ADGRL1: variants seen among roughly 807,000 people sequenced by gnomAD.
ADGRL1 encodes adhesion G protein-coupled receptor L1, also known as CIRL-1.
Under a neutral mutation model 148.9 loss-of-function variants are expected in ADGRL1, and 31 were observed. That is an observed-to-expected ratio of 0.21 (90% CI 0.16 to 0.28). The LOEUF (loss-of-function observed/expected upper bound fraction) is 0.28, where lower values mean the gene tolerates loss of function less well. ADGRL1 is among the 10% of genes least tolerant of loss of function. The pLI, the probability that ADGRL1 is intolerant of heterozygous loss-of-function variation, is 1.00. For missense variants in ADGRL1, 1,521 were observed against 2,058.8 expected, an observed-to-expected ratio of 0.74 and a Z score of 5.05; for synonymous variants, 937 against 900.3, an observed-to-expected ratio of 1.04 and a Z score of -0.73.
chr19:14,154,703 T>G (rs1470935772), intron 18 of ADGRL1, among the ~76,000 whole-genome samples: 1 of 151,500 alleles, frequency 6.6e-6, no homozygotes, highest in Non-Finnish European at 1.5e-5. Context: ...GCCTTTGGGG[T>G]TCAAGCAATT....
At chr19:14,183,976 G>C (rs1419952022) in intron 1 of ADGRL1, among the ~76,000 whole-genome samples, 1 of 152,146 alleles carries the variant, frequency 6.6e-6, no homozygotes, top group African/African-American at 2.4e-5. Flanking sequence ...TCCCAGGCAG[G>C]CCTTGGACCC....
rs767854930 is a variant in ADGRL1, at chr19:14,157,342, G to T, written c.2654C>A (p.Thr885Asn). 3 of 1,614,186 alleles carry T rather than the reference G, an allele frequency of 1.9e-6. No individual in the cohort carries two copies. Among genetic ancestry groups the T allele is most frequent in the Non-Finnish European group, 2.5e-6 (3 of 1,180,010 alleles). ...GTTCTTGTGGATGGTGTTGCGGTCG[G>T]TCTGCAGCCCCCGCAGGAAGCAGAA... ...STFCFLRGLQ[T>N]DRNTIHKNLC... The change falls in exon 14 of 23, where the codon ACC (threonine) becomes AAC (asparagine). Residue 885 changes from threonine (T) to asparagine (N), a missense_variant. Thr to Asn is a moderately conservative substitution (Grantham distance 65). Around this residue, in one of 8 missense-constraint regions of ADGRL1, gnomAD observed 265 missense variants for 431.9 expected, o/e 0.61. Coordinates refer to ENST00000361434, the MANE Select transcript of ADGRL1 (RefSeq NM_014921.5). This position sits in a 1 kb window ranked among gnomAD's most constrained non-coding sequence, Gnocchi z 7.5.
chr19:14,193,139 G>T (rs986698719), intron 1 of ADGRL1, among the ~76,000 whole-genome samples: 1 of 151,960 alleles, frequency 6.6e-6, no homozygotes, highest in Non-Finnish European at 1.5e-5. Context: ...GGCTCCCCTA[G>T]GAAGCTCCAG....
chr19:14,152,067 C>T lies in ADGRL1; in HGVS notation c.3667+66G>A. On this transcript the variant is annotated intron_variant, in intron 22 of 22. Coordinates refer to ENST00000361434, the MANE Select transcript of ADGRL1 (RefSeq NM_014921.5). The surrounding 1 kb of genome is among the most constrained non-coding windows in gnomAD (Gnocchi z 6.1). ...AGTTCTCCTCCTTAAGTGAGGCCGT[C>T]TGAGAAGGCCACTGTCTGTCCCTCT... The T allele has an allele frequency of 6.7e-7, 1 of 1,488,392 alleles. No homozygotes were observed. Among genetic ancestry groups the T allele is most frequent in the South Asian group, 1.1e-5 (1 of 88,546 alleles). 92.2% of individuals were successfully genotyped at this position (1,488,392 alleles called of 1,614,324 possible).
Position 14,148,908 on chromosome 19 carries a change from C to T in ADGRL1, c.*1965G>A, listed in dbSNP as rs1282584379. On this transcript the variant is annotated 3_prime_UTR_variant, in exon 23 of 23. Coordinates refer to ENST00000361434, the MANE Select transcript of ADGRL1 (RefSeq NM_014921.5). ...CCTCCAGCCACCTACCTGTCCCCTTCCCCCCAGTTCCTTCCTAGAGCCCCT... is the reference window on the plus strand; with the variant it reads ...CCTCCAGCCACCTACCTGTCCCCTTTCCCCCAGTTCCTTCCTAGAGCCCCT... 6 of 152,878 alleles carry T rather than the reference C, an allele frequency of 3.9e-5. No homozygotes were observed. The South Asian group carries it at 1.2e-3, about 32-fold the overall frequency. 9.5% of individuals were successfully genotyped at this position (152,878 alleles called of 1,614,324 possible).
rs1485307545 is a variant in ADGRL1, at chr19:14,152,875, T to C, written c.3332A>G (p.Tyr1111Cys). ...KEYSKCLRHS[Y>C]CCIRSPPGGT... Reference sequence around the variant, plus strand: ...CCCGGGTGGGGAGCGGATGCAGCAGTAGGAGTGACGCAGGCACTTGCTGTA... The same window carrying C: ...CCCGGGTGGGGAGCGGATGCAGCAGCAGGAGTGACGCAGGCACTTGCTGTA... Residue 1111 changes from tyrosine (Y) to cysteine (C), a missense_variant, in exon 19 of 23, where the codon TAC becomes TGC. This residue lies in a region of ADGRL1 where 185 missense variants were observed against 251.7 expected (regional missense o/e 0.74). Coordinates refer to ENST00000361434, the MANE Select transcript of ADGRL1 (RefSeq NM_014921.5). The surrounding 1 kb of genome is among the most constrained non-coding windows in gnomAD (Gnocchi z 6.1). 1.2e-6 allele frequency: 2 copies of C among 1,614,112 alleles called. No individual in the cohort carries two copies. Among genetic ancestry groups the C allele is most frequent in the East Asian group, 2.2e-5 (1 of 44,874 alleles).
Position 14,151,070 on chromosome 19 carries a change from G to GGGGGGGGC in ADGRL1, c.4212_4213insGCCCCCCC (p.Pro1405AlafsTer126). The GGGGGGGGC allele has an allele frequency of 7.1e-6, 5 of 708,984 alleles. No individual in the cohort carries two copies. Among genetic ancestry groups the GGGGGGGGC allele is most frequent in the Non-Finnish European group, 1.1e-5 (5 of 458,680 alleles). 43.9% of individuals were successfully genotyped at this position (708,984 alleles called of 1,614,324 possible). ...CCGGGGGGTGCGGGAGGGGGTGGGG[G>GGGGGGGGC]CAGGGCCTCACTGGGCCCCTCAGGG... On this transcript the variant is annotated frameshift_variant, in exon 23 of 23. Coordinates refer to ENST00000361434, the MANE Select transcript of ADGRL1 (RefSeq NM_014921.5). LOFTEE classifies it high-confidence loss of function.
chr19:14,154,413 G>T (rs1407337504), intron 18 of ADGRL1, among the ~76,000 whole-genome samples: 1 of 152,204 alleles, frequency 6.6e-6, no homozygotes, highest in East Asian at 1.9e-4. Flanking sequence ...TGAGGGTGCT[G>T]CCAGTATCCC....
chr19:14,200,452 G>C (rs1291407159), intron 1 of ADGRL1, among the ~76,000 whole-genome samples: 1 of 152,220 alleles, frequency 6.6e-6, no homozygotes, highest in African/African-American at 2.4e-5. Context: ...GCCTGCCTTT[G>C]TACAGCTGGT....
chr19:14,161,703 G>A lies in ADGRL1; in HGVS notation c.1196-77C>T. 4.7e-6 allele frequency: 5 copies of A among 1,064,246 alleles called. No individual in the cohort carries two copies. Among genetic ancestry groups the A allele is most frequent in the Middle Eastern group, 3.2e-4 (1 of 3,140 alleles). The allele number at this position is 1,064,246 out of a possible 1,614,324, so 65.9% of individuals were successfully genotyped here. A position where few individuals can be genotyped will look rare whatever the true frequency, so the allele number is the denominator to read the frequency against. ...AGTGTGCTTGGGCAGGGGGTCCCAG[G>A]CCATCTTAGCATCTTCCTCATCTAC... On this transcript the variant is annotated intron_variant, in intron 5 of 22. Transcript: ENST00000361434. The surrounding 1 kb of genome is among the most constrained non-coding windows in gnomAD (Gnocchi z 4.4).
chr19:14,161,388 T>C lies in ADGRL1; in HGVS notation c.1434A>G (p.Arg478=), dbSNP rs1216045685. ...HVSPELFCEP[R]EVRRVQWPAT... The stretch of plus-strand genomic sequence containing the variant: ...CCGGCCACTGGACCCGCCGTACCTC[T>C]CGGGGCTCGCAGAAGAGCTCAGGGG... Residue 478 remains arginine, a synonymous_variant, in exon 6 of 23, where the codon CGA becomes CGG. Transcript: ENST00000361434. The surrounding 1 kb of genome is among the most constrained non-coding windows in gnomAD (Gnocchi z 4.4). 5.0e-6 allele frequency: 8 copies of C among 1,590,204 alleles called. No individual in the cohort carries two copies. In the Admixed American group the frequency reaches 1.4e-4, roughly 28 times the overall value.
chr19:14,159,148 G>A lies in ADGRL1; in HGVS notation c.2091C>T (p.Tyr697=). Residue 697 remains tyrosine (Y), a synonymous_variant, in exon 11 of 23, where the codon TAC becomes TAT. Coordinates refer to ENST00000361434, the MANE Select transcript of ADGRL1 (RefSeq NM_014921.5). The surrounding 1 kb of genome is among the most constrained non-coding windows in gnomAD (Gnocchi z 6.0). ...VQELVFPQEE[Y]PRKNSIQLSA... is the part of the protein sequence containing the mutation. Reference sequence around the variant, plus strand: ...ACAGCTGGATGGAGTTCTTTCTCGGGTACTCCTCCTGGGGGAACACCAGCT... The same window carrying A: ...ACAGCTGGATGGAGTTCTTTCTCGGATACTCCTCCTGGGGGAACACCAGCT... 6.2e-7 allele frequency: 1 copy of A among 1,614,122 alleles called. No homozygotes were observed. Among genetic ancestry groups the A allele is most frequent in the South Asian group, 1.1e-5 (1 of 91,078 alleles).
At chr19:14,197,698 A>G (rs1239728480) in intron 1 of ADGRL1, among the ~76,000 whole-genome samples, 1 of 152,048 alleles carries the variant, frequency 6.6e-6, no homozygotes, top group Admixed American at 6.5e-5. Context: ...TTGCTCCCCT[A>G]ACTGGACTTG....
Position 14,161,235 on chromosome 19 carries a change from C to T in ADGRL1, c.1510+77G>A. On this transcript the variant is annotated intron_variant, in intron 6 of 22. Transcript: ENST00000361434. This position sits in a 1 kb window ranked among gnomAD's most constrained non-coding sequence, Gnocchi z 4.4. Reference sequence around the variant, plus strand: ...ACCTCTGCTCCGCAGTAGAGACCCCCACCCACACATGCATCTGTGCTAAGC... The same window carrying T: ...ACCTCTGCTCCGCAGTAGAGACCCCTACCCACACATGCATCTGTGCTAAGC... The T allele has an allele frequency of 7.4e-7, 1 of 1,357,356 alleles. No homozygotes were observed. The allele number at this position is 1,357,356 out of a possible 1,614,324, so 84.1% of individuals were successfully genotyped here.
At chr19:14,166,743 G>A (rs1403163283) in intron 4 of ADGRL1, among the ~76,000 whole-genome samples, 1 of 149,862 alleles carries the variant, frequency 6.7e-6, no homozygotes, top group Non-Finnish European at 1.5e-5. Flanking sequence ...CCAGGGACCA[G>A]GAAGGAGGGA....
chr19:14,170,796 AGAG>A lies in ADGRL1; in HGVS notation c.285-8_285-6del, dbSNP rs1252724881. 1 of 1,452,458 alleles carries A rather than the reference AGAG, an allele frequency of 6.9e-7. No individual in the cohort carries two copies. Among genetic ancestry groups the A allele is most frequent in the Admixed American group, 1.7e-5 (1 of 58,954 alleles). 90.0% of individuals were successfully genotyped at this position (1,452,458 alleles called of 1,614,324 possible). A position where few individuals can be genotyped will look rare whatever the true frequency, so the allele number is the denominator to read the frequency against. On this transcript the variant is annotated splice_region_variant and splice_polypyrimidine_tract_variant and intron_variant, in intron 3 of 22. Coordinates refer to ENST00000361434, the MANE Select transcript of ADGRL1 (RefSeq NM_014921.5). Reference sequence around the variant, plus strand: ...CACTGGGTGCGGTTGTTACACCTTCAGAGGAGAAACAGGGCATTGGGAAAGAAA... The same window carrying A: ...CACTGGGTGCGGTTGTTACACCTTCAGAGAAACAGGGCATTGGGAAAGAAA...
chr19:14,205,730 T>TGCC (rs1972958697), intron 1 of ADGRL1, among the ~76,000 whole-genome samples: 2 of 147,356 alleles, frequency 1.4e-5, no homozygotes, highest in African/African-American at 5.0e-5. Context: ...CGGTAGCCCG[T>TGCC]CCGCACCCCC....
At chr19:14,166,612 G>A (rs1055352176) in intron 4 of ADGRL1, among the ~76,000 whole-genome samples, 1 of 151,932 alleles carries the variant, frequency 6.6e-6, no homozygotes, top group East Asian at 1.9e-4. Context: ...CAGCTCACCC[G>A]GTGCCCCAGT....
At chr19:14,166,838 G>A (rs1386663238) in intron 4 of ADGRL1, among the ~76,000 whole-genome samples, 2 of 151,984 alleles carry the variant, frequency 1.3e-5, no homozygotes, top group African/African-American at 4.8e-5. Flanking sequence ...GGGTGGAGAT[G>A]CCCGTGGCCG....
Sources: gnomAD v4.1 joint callset for allele counts (sites outside exome capture counted in the v4.1 genomes callset) on GRCh38, gnomAD v4.1.1 for gene constraint, gnomAD v4.1.1 regional missense constraint, Gnocchi (gnomAD v3.1) non-coding constraint, MANE v1.5 for transcripts, NCBI Gene and HGNC (gene_info 2026-07-23, HGNC 2026-07-21) for gene names.